The following SYTL5 variants were observed in gnomAD, a reference collection of about 807,000 sequenced individuals.
SYTL5 encodes the protein synaptotagmin-like protein 5.
In SYTL5, 34 loss-of-function variants were observed where a neutral mutation model predicts 55.9. The ratio of observed to expected loss-of-function variants is 0.61; its 90% CI spans 0.46 to 0.81. The LOEUF is 0.81. SYTL5 is among the 30% of genes least tolerant of loss of function. SYTL5 has a pLI of 0.00. For synonymous variants in SYTL5, 221 were observed against 188.7 expected, an observed-to-expected ratio of 1.17 and a Z score of -1.40; for missense variants, 637 against 546.7, an observed-to-expected ratio of 1.17 and a Z score of -1.65.
chrX:38,039,640 A>G lies in SYTL5; in HGVS notation c.119+5632A>G, dbSNP rs1602331767. 2.7e-5 allele frequency among the ~76,000 whole-genome samples: 3 copies of G among 111,955 alleles called. No individual in the cohort carries two copies. The South Asian group carries it at 1.1e-3, about 42-fold the overall frequency. On this transcript the variant is annotated intron_variant, in intron 2 of 16. Coordinates refer to ENST00000297875, the MANE Select transcript of SYTL5 (RefSeq NM_138780.3). ...ATTAGTGAATATTCATTTCAGCAGT[A>G]TATTGTGAGCTTTATTCTCACTAAG...
intron 10 of SYTL5, among the ~76,000 whole-genome samples, chrX:38,106,104 T>C (rs894100702): frequency 3.6e-5 from 4 of 111,772 alleles, no homozygotes; most frequent in African/African-American, 9.8e-5. Flanking sequence ...CCCCGGAGAC[T>C]GATGGGATGC....
intron 3 of SYTL5, among the ~76,000 whole-genome samples, chrX:38,065,787 T>G (rs1936080671): frequency 9.0e-6 from 1 of 111,674 alleles, no homozygotes; most frequent in Non-Finnish European, 1.9e-5. Flanking sequence ...GCATGACACA[T>G]AGTAGAAATG....
In SYTL5 at chrX:38,120,439, C is replaced by T. The variant is rs1180054278; in HGVS notation, c.1678C>T (p.Leu560=). The part of the protein sequence containing the change: ...VLRYIPPEEN[L]MLPPEQLQGN... ...ACGTTACATTCCCCCAGAAGAGAAC[C>T]TGATGCTTCCACCAGAACAACTCCA... Residue 560 remains leucine (L), a synonymous_variant, in exon 14 of 17, where the codon CTG becomes TTG. Coordinates refer to ENST00000297875, the MANE Select transcript of SYTL5 (RefSeq NM_138780.3). The T allele has an allele frequency of 8.3e-7, 1 of 1,206,669 alleles. No individual in the cohort carries two copies. Among genetic ancestry groups the T allele is most frequent in the Admixed American group, 2.2e-5 (1 of 46,010 alleles).
rs1219608719 is a variant in SYTL5 at position 38,106,576 on chromosome X, C to T, written c.1156-17C>T. 8 of 1,150,888 alleles carry T rather than the reference C, an allele frequency of 7.0e-6. No homozygotes were observed. The Admixed American group carries it at 8.3e-5, about 12-fold the overall frequency. The allele number at this position is 1,150,888 out of a possible 1,213,427, so 94.8% of individuals were successfully genotyped here. On this transcript the variant is annotated splice_polypyrimidine_tract_variant and intron_variant, in intron 10 of 16. Transcript: ENST00000297875. ...TAGAATGACACTAGAAGCCTTTTTC[C>T]ATCTTGTTTATTCCAGACCAGCCTT...
chrX:38,065,821 C>G (rs554064675), intron 3 of SYTL5, among the ~76,000 whole-genome samples: 3 of 111,794 alleles, frequency 2.7e-5, no homozygotes, highest in African/African-American at 6.5e-5. Context: ...CTGTGTAGGC[C>G]GGGCGTGGTG....
At chrX:37,926,395 A>AC in the SYTL5 span, among the ~76,000 whole-genome samples, 12 of 107,113 alleles carry the variant, frequency 1.1e-4, no homozygotes, top group Admixed American at 4.0e-4. Flanking sequence ...TTACTGGCTG[A>AC]CCCCCCTCCC....
At chrX:38,059,825 T>C (rs1935895014) in intron 3 of SYTL5, among the ~76,000 whole-genome samples, 1 of 111,703 alleles carries the variant, frequency 9.0e-6, no homozygotes, top group Non-Finnish European at 1.9e-5. Context: ...GATTTGCTAG[T>C]CCTCAACTAT....
chrX:37,950,969 A>C, the SYTL5 span, among the ~76,000 whole-genome samples: 1 of 110,587 alleles, frequency 9.0e-6, no homozygotes, highest in African/African-American at 3.3e-5. Flanking sequence ...GAAGAGCCTG[A>C]GTAGAACAAT....
chrX:37,950,054 C>T, the SYTL5 span, among the ~76,000 whole-genome samples: 1 of 111,431 alleles, frequency 9.0e-6, no homozygotes, highest in Non-Finnish European at 1.9e-5. Context: ...AGCCCTTTTC[C>T]GTATTTTATG....
the SYTL5 span, among the ~76,000 whole-genome samples, chrX:37,947,664 C>T: frequency 9.0e-6 from 1 of 111,514 alleles, no homozygotes; most frequent in Non-Finnish European, 1.9e-5. Context: ...TCTTTTTGGG[C>T]GCTGTGTTCT....
chrX:38,077,831 C>T lies in SYTL5; in HGVS notation c.689+1130C>T, dbSNP rs749531263. Among the ~76,000 whole-genome samples the T allele has an allele frequency of 7.2e-5, 8 of 111,873 alleles. No homozygotes were observed. In the Admixed American group the frequency reaches 7.5e-4, roughly 11 times the overall value. On this transcript the variant is annotated intron_variant, in intron 6 of 16. Transcript: ENST00000297875. ...CCTTGAAATAGTTTCATTTGTCTTC[C>T]ATTGAGGTAGCTTCATGCTGTGTCC...
chrX:38,076,195 C>G (rs963134218), intron 5 of SYTL5, among the ~76,000 whole-genome samples: 2 of 111,969 alleles, frequency 1.8e-5, no homozygotes, highest in East Asian at 2.8e-4. Flanking sequence ...CCAAGAGGAT[C>G]ATCCTGGCTT....
intron 6 of SYTL5, among the ~76,000 whole-genome samples, chrX:38,085,002 C>G (rs965980410): frequency 8.2e-5 from 9 of 110,396 alleles, no homozygotes; most frequent in African/African-American, 3.0e-4. Context: ...TTTGGTGGGC[C>G]CAAATATGTC....
chrX:37,954,771 G>A, the SYTL5 span, among the ~76,000 whole-genome samples: 20 of 110,927 alleles, frequency 1.8e-4, no homozygotes, highest in Admixed American at 1.4e-3. Flanking sequence ...ACACACGTAC[G>A]CACACACATA....
At chrX:38,016,215 A>G (rs1303135303) in intron 1 of SYTL5, among the ~76,000 whole-genome samples, 1 of 112,073 alleles carries the variant, frequency 8.9e-6, no homozygotes, top group Non-Finnish European at 1.9e-5. Flanking sequence ...TTCTTGATTG[A>G]TGCATACTTA....
the SYTL5 span, chrX:37,906,454 A>G: frequency 9.0e-6 from 1 of 111,128 alleles, no homozygotes; most frequent in Admixed American, 9.5e-5. Context: ...CTCCGGTGTA[A>G]TTCTTAGAGG....
chrX:38,021,432 G>A (rs749780448), intron 1 of SYTL5, among the ~76,000 whole-genome samples: 13 of 111,775 alleles, frequency 1.2e-4, no homozygotes, highest in Admixed American at 3.8e-4. Context: ...CTACTATGGT[G>A]CCAGGAGTTG....
At chrX:37,904,695 A>C in the SYTL5 span, among the ~76,000 whole-genome samples, 1 of 111,149 alleles carries the variant, frequency 9.0e-6, no homozygotes, top group Non-Finnish European at 1.9e-5. Context: ...ATCTCAGTTT[A>C]TAATGGTATA....
the SYTL5 span, among the ~76,000 whole-genome samples, chrX:37,967,599 C>G: frequency 9.0e-6 from 1 of 111,364 alleles, no homozygotes; most frequent in Non-Finnish European, 1.9e-5. Context: ...CATTCCCTTT[C>G]CAAGATTTAT....
Sources: gnomAD v4.1 joint callset for allele counts (sites outside exome capture counted in the v4.1 genomes callset) on GRCh38, gnomAD v4.1.1 for gene constraint, MANE v1.5 for transcripts, NCBI Gene and HGNC (gene_info 2026-07-23, HGNC 2026-07-21) for gene names.